The following ARHGEF9 variants were observed in gnomAD, a reference collection of about 807,000 sequenced individuals.
ARHGEF9 encodes Cdc42 guanine nucleotide exchange factor 9.
ARHGEF9 carries 2 observed loss-of-function variants against 41.3 expected under a neutral mutation model. The ratio of observed to expected loss-of-function variants is 0.05; its 90% confidence interval spans 0.02 to 0.15. ARHGEF9 has a LOEUF of 0.15. ARHGEF9 is among the 10% of genes least tolerant of loss of function. The pLI, the probability that ARHGEF9 is intolerant of heterozygous loss-of-function variation, is 1.00. For missense variants in ARHGEF9, 225 were observed against 424.7 expected (o/e 0.53, Z 4.13); for synonymous variants, 160 against 154.4 (o/e 1.04, Z -0.27).
At chrX:63,748,628 C>A (rs1569502364) in intron 1 of ARHGEF9, among the ~76,000 whole-genome samples, 1 of 111,754 alleles carries the variant, frequency 8.9e-6, no homozygotes, top group Non-Finnish European at 1.9e-5. Flanking sequence ...TAACTCTTAA[C>A]CCTGGCTGCA....
At position 63,635,364 on chromosome X, in the gene ARHGEF9, T is replaced by G. The variant is rs1282541291; in HGVS notation, c.*2664A>C. The G allele has an allele frequency of 1.9e-6, 1 of 521,983 alleles. No homozygotes were observed. Among genetic ancestry groups the G allele is most frequent in the Non-Finnish European group, 3.5e-6 (1 of 285,807 alleles). 43.0% of individuals were successfully genotyped at this position (521,983 alleles called of 1,213,427 possible). On this transcript the variant is annotated 3_prime_UTR_variant, in exon 10 of 10. Coordinates refer to ENST00000671741, the MANE Select transcript of ARHGEF9 (RefSeq NM_001353921.2). The stretch of plus-strand genomic sequence containing the variant: ...TCCCATTGAACACACTAGCAAAGCC[T>G]TTTGGAGAGCAAATCCTGGCCTCAC...
intron 1 of ARHGEF9, among the ~76,000 whole-genome samples, chrX:63,749,318 G>A (rs1305562374): frequency 9.0e-6 from 1 of 111,018 alleles, no homozygotes; most frequent in Non-Finnish European, 1.9e-5. Flanking sequence ...TGCATCCTCC[G>A]CCTCCTGGGT....
At chrX:63,643,927 A>G (rs2047820206) in intron 9 of ARHGEF9, 53 bp downstream of exon 9, 19 of 1,141,353 alleles carry the variant, frequency 1.7e-5, no homozygotes, top group Non-Finnish European at 2.2e-5. Context: ...ATATGTAAGC[A>G]TATAGCTTAT....
intron 1 of ARHGEF9, among the ~76,000 whole-genome samples, chrX:63,731,552 GTTTTTTTTTT>G (rs1165184937): frequency 2.6e-5 from 2 of 75,880 alleles, no homozygotes; most frequent in African/African-American, 9.9e-5. Flanking sequence ...CCCTGTCTCA[GTTTTTTTTTT>G]TTTTTTTTTT....
chrX:63,713,672 T>A (rs1223171327), intron 2 of ARHGEF9, among the ~76,000 whole-genome samples: 2 of 104,799 alleles, frequency 1.9e-5, no homozygotes, highest in East Asian at 3.0e-4. Flanking sequence ...AGGAACCTGG[T>A]TAGTTGCAAG....
chrX:63,724,786 T>G, intron 1 of ARHGEF9, 75 bp from the exon 2 acceptor site: 430 of 911,429 alleles, frequency 4.7e-4, no homozygotes, highest in Non-Finnish European at 6.2e-4. Context: ...CACAGAGCTC[T>G]ACTACTTACA....
intron 1 of ARHGEF9, among the ~76,000 whole-genome samples, chrX:63,757,637 C>G (rs2055959083): frequency 9.0e-6 from 1 of 111,551 alleles, no homozygotes; most frequent in African/African-American, 3.3e-5. Flanking sequence ...GTCCCTTTCT[C>G]TCTTCCTGCT....
At chrX:63,759,471 C>T (rs2055996062) in intron 1 of ARHGEF9, among the ~76,000 whole-genome samples, 1 of 111,508 alleles carries the variant, frequency 9.0e-6, no homozygotes, top group African/African-American at 3.3e-5. Flanking sequence ...CAGTTCCTCC[C>T]TCCCAAGACA....
At chrX:63,770,535 T>TCAGAGA (rs2056187014) in intron 1 of ARHGEF9, among the ~76,000 whole-genome samples, 1 of 112,288 alleles carries the variant, frequency 8.9e-6, no homozygotes, top group Non-Finnish European at 1.9e-5. Context: ...ATTAAGGCTT[T>TCAGAGA]GGGGGACTGT....
chrX:63,674,960 C>T (rs1556360316), intron 5 of ARHGEF9, among the ~76,000 whole-genome samples: 1 of 111,466 alleles, frequency 9.0e-6, no homozygotes, highest in Admixed American at 9.5e-5. Context: ...GGTAGGCCTT[C>T]TGAGAAATCA....
intron 4 of ARHGEF9, among the ~76,000 whole-genome samples, chrX:63,695,985 T>G (rs2051720185): frequency 8.9e-6 from 1 of 111,869 alleles, no homozygotes; most frequent in Admixed American, 9.5e-5. Context: ...TCCTGAAAGC[T>G]TGTGCCTGGT....
chrX:63,684,094 G>A (rs1241104969), intron 4 of ARHGEF9, among the ~76,000 whole-genome samples: 3 of 109,418 alleles, frequency 2.7e-5, no homozygotes, highest in Non-Finnish European at 5.7e-5. Context: ...ACATAAAGTG[G>A]TTAATATATA....
chrX:63,778,242 C>T (rs1325511340), intron 1 of ARHGEF9, among the ~76,000 whole-genome samples: 73 of 112,546 alleles, frequency 6.5e-4, no homozygotes, highest in African/African-American at 2.1e-3. Context: ...TAACCTGCCA[C>T]GGCTTGGGGC....
Position 63,637,882 on chromosome X carries a change from CTGTGTGTG to C in ARHGEF9, c.*138_*145del. On this transcript the variant is annotated 3_prime_UTR_variant, in exon 10 of 10. Coordinates refer to ENST00000671741, the MANE Select transcript of ARHGEF9 (RefSeq NM_001353921.2). ...TGTGTGTGTGTGTGTGTGTGTGTGT[CTGTGTGTG>C]TGTGTGTGTATGTGTACTCAAGGGT... is the stretch of plus-strand genomic sequence containing the variant. The C allele has an allele frequency of 3.4e-6, 1 of 296,310 alleles. No homozygotes were observed. Among genetic ancestry groups the C allele is most frequent in the Non-Finnish European group, 5.7e-6 (1 of 174,579 alleles). The allele number at this position is 296,310 out of a possible 1,213,427, so 24.4% of individuals were successfully genotyped here.
chrX:63,732,396 C>T (rs782307175), intron 1 of ARHGEF9: 6 of 110,835 alleles, frequency 5.4e-5, no homozygotes, highest in Admixed American at 9.7e-5. Context: ...TCTGGCCCTG[C>T]TATTTCTTTC....
intron 2 of ARHGEF9, among the ~76,000 whole-genome samples, chrX:63,721,916 C>T (rs1184407093): frequency 9.0e-6 from 1 of 111,590 alleles, no homozygotes; most frequent in Non-Finnish European, 1.9e-5. Flanking sequence ...TAAGCACATA[C>T]AAGTATGAAA....
At chrX:63,767,811 A>G (rs1173227275) in intron 1 of ARHGEF9, among the ~76,000 whole-genome samples, 13 of 112,145 alleles carry the variant, frequency 1.2e-4, no homozygotes, top group Non-Finnish European at 2.3e-4. Context: ...GGCAAGTGAG[A>G]AGAGTAATGA....
chrX:63,722,410 G>GTTTTTTTT (rs782226432), intron 2 of ARHGEF9, among the ~76,000 whole-genome samples: 5 of 89,364 alleles, frequency 5.6e-5, no homozygotes, highest in Non-Finnish European at 1.1e-4. Context: ...GTTGTTTTTT[G>GTTTTTTTT]TTTTTTTTTT....
chrX:63,713,894 G>A (rs782191437), intron 2 of ARHGEF9, among the ~76,000 whole-genome samples: 5 of 111,215 alleles, frequency 4.5e-5, no homozygotes, highest in Non-Finnish European at 9.4e-5. Context: ...CCCCTCAAGG[G>A]AAGATTTAAT....
Sources: gnomAD v4.1 joint callset for allele counts (sites outside exome capture counted in the v4.1 genomes callset) on GRCh38, gnomAD v4.1.1 for gene constraint, MANE v1.5 for transcripts, NCBI Gene and HGNC (gene_info 2026-07-23, HGNC 2026-07-21) for gene names.